Variants in ZHX3 observed in about 807,000 individuals in gnomAD.
ZHX3 encodes the protein zinc fingers and homeoboxes protein 3.
ZHX3 carries 20 observed loss-of-function variants against 64.5 expected under a neutral mutation model. That is an observed-to-expected ratio of 0.31 (90% CI 0.22 to 0.45). The LOEUF is 0.45. Among genes scored for constraint, ZHX3 ranks in the 20% least tolerant of loss-of-function variants. The probability of loss-of-function intolerance (pLI) is 1.00; values close to 1 mark genes in which losing one functional copy is unlikely to be tolerated. For synonymous variants in ZHX3, 423 were observed against 461.6 expected (o/e 0.92, Z 1.07); for missense variants, 1,041 against 1,195.8 (o/e 0.87, Z 1.91).
chr20:41,198,490 T>C (rs1319498097), intron 3 of ZHX3, among the ~76,000 whole-genome samples: 1 of 152,002 alleles, frequency 6.6e-6, no homozygotes, highest in Non-Finnish European at 1.5e-5. Context: ...GAGGTTTTTT[T>C]TTTTTCTTTT....
At chr20:41,263,103 C>T (rs1600550102) in intron 2 of ZHX3, among the ~76,000 whole-genome samples, 2 of 152,042 alleles carry the variant, frequency 1.3e-5, no homozygotes, top group African/African-American at 4.8e-5. Flanking sequence ...ATACAATATA[C>T]AGAAAACATA....
At chr20:41,287,602 G>A (rs762282100) in intron 1 of ZHX3, among the ~76,000 whole-genome samples, 7 of 152,154 alleles carry the variant, frequency 4.6e-5, no homozygotes, top group South Asian at 2.1e-4. Flanking sequence ...ATCATGCCCC[G>A]AGGGGAAGCC....
intron 1 of ZHX3, among the ~76,000 whole-genome samples, chr20:41,278,500 T>C (rs1382661720): frequency 1.4e-5 from 2 of 141,322 alleles, no homozygotes; most frequent in Non-Finnish European, 3.1e-5. Flanking sequence ...CTCACTTAAA[T>C]ATAGGTCTGA....
rs74862403 is a variant in ZHX3 at position 41,222,643 on chromosome 20, C to T, written c.-150-17577G>A. Among the ~76,000 whole-genome samples the T allele has an allele frequency of 1.6e-3, 248 of 152,262 alleles. 4 individuals are homozygous for T. The East Asian group carries it at 0.045, about 27-fold the overall frequency. ...GCCAAGTAGTTAGAAATTGCACTCT[C>T]TGAGGTGTGAGACAGCGCCTTTCAA... On this transcript the variant is annotated intron_variant, in intron 2 of 3. Coordinates refer to ENST00000683867, the MANE Select transcript of ZHX3 (RefSeq NM_001384317.1).
chr20:41,242,532 T>A (rs1282027707), intron 2 of ZHX3, among the ~76,000 whole-genome samples: 1 of 152,256 alleles, frequency 6.6e-6, no homozygotes, highest in East Asian at 1.9e-4. Flanking sequence ...TACACAGCTG[T>A]TAGCTTTGTG....
intron 1 of ZHX3, among the ~76,000 whole-genome samples, chr20:41,276,558 T>C (rs1228633918): frequency 6.6e-6 from 1 of 152,244 alleles, no homozygotes; most frequent in Admixed American, 6.5e-5. Context: ...CTTAGCTCTT[T>C]TTTTCTTTCT....
rs748611103 is a variant in ZHX3, at chr20:41,203,146, T to C, written c.1771A>G (p.Thr591Ala). ...GAAGGGTGGGTTGCTAGTGTGGCTG[T>C]TGTCGGAATGCAGGTTACCTCAGGG... The part of the protein sequence containing the change: ...KVPEVTCIPT[T>A]ATLATHPSAK... The change falls in exon 3 of 4, where the codon ACA becomes GCA. Residue 591 changes from threonine to alanine, a missense_variant. Around this residue, in one of 4 missense-constraint regions of ZHX3, gnomAD observed 649 missense variants for 739.8 expected, o/e 0.88. Transcript: ENST00000683867. The surrounding 1 kb of genome is among the most constrained non-coding windows in gnomAD (Gnocchi z 7.1). The C allele has an allele frequency of 8.1e-6, 13 of 1,613,564 alleles. No individual in the cohort carries two copies. The highest frequency in any genetic ancestry group is 8.5e-7 in the Non-Finnish European group (1 of 1,179,988).
chr20:41,254,111 C>T (rs1191396793), intron 2 of ZHX3, among the ~76,000 whole-genome samples: 1 of 151,920 alleles, frequency 6.6e-6, no homozygotes, highest in African/African-American at 2.4e-5. Context: ...ATCGCAAGAC[C>T]CTGTCTCTAC....
intron 2 of ZHX3, among the ~76,000 whole-genome samples, chr20:41,243,308 G>A (rs980927994): frequency 1.3e-5 from 2 of 152,134 alleles, no homozygotes; most frequent in African/African-American, 4.8e-5. Context: ...ACCTGACGTG[G>A]CTGCCTGGAA....
intron 2 of ZHX3, among the ~76,000 whole-genome samples, chr20:41,206,350 TTC>T (rs1408491914): frequency 6.6e-6 from 1 of 152,106 alleles, no homozygotes; most frequent in African/African-American, 2.4e-5. Flanking sequence ...AATAACAAAC[TTC>T]TCTGAGCTAA....
chr20:41,222,801 C>T (rs539748826), intron 2 of ZHX3, among the ~76,000 whole-genome samples: 1 of 151,680 alleles, frequency 6.6e-6, no homozygotes, highest in South Asian at 2.1e-4. Flanking sequence ...TCTGAGATTA[C>T]ATTTGTTTTG....
intron 2 of ZHX3, among the ~76,000 whole-genome samples, chr20:41,239,212 T>C (rs1192636744): frequency 6.6e-6 from 1 of 151,614 alleles, no homozygotes; most frequent in African/African-American, 2.4e-5. Context: ...GGTTTCACCA[T>C]GTTAGCCAGG....
chr20:41,246,266 A>G (rs2041681284), intron 2 of ZHX3, among the ~76,000 whole-genome samples: 1 of 152,202 alleles, frequency 6.6e-6, no homozygotes, highest in Non-Finnish European at 1.5e-5. Context: ...TAAAGCACAC[A>G]TTTACTAAAA....
chr20:41,210,593 A>G (rs2039085303), intron 2 of ZHX3, among the ~76,000 whole-genome samples: 1 of 152,202 alleles, frequency 6.6e-6, no homozygotes. Context: ...AAACTATCAC[A>G]AGGACAGAAA....
At position 41,201,360 on chromosome 20, in the gene ZHX3, G is replaced by C; in HGVS notation, c.2860+697C>G. On this transcript the variant is annotated intron_variant, in intron 3 of 3. Coordinates refer to ENST00000683867, the MANE Select transcript of ZHX3 (RefSeq NM_001384317.1). The surrounding 1 kb of genome is among the most constrained non-coding windows in gnomAD (Gnocchi z 5.0). ...TCAAAGGGTAAGGAGGGAAGGGAGA[G>C]GCTGGGAACTCAGTGACCAGGAACC... 1.5e-6 allele frequency: 2 copies of C among 1,304,720 alleles called. No homozygotes were observed. Among genetic ancestry groups the C allele is most frequent in the Non-Finnish European group, 2.0e-6 (2 of 989,068 alleles). 80.8% of individuals were successfully genotyped at this position (1,304,720 alleles called of 1,614,324 possible).
intron 2 of ZHX3, among the ~76,000 whole-genome samples, chr20:41,213,328 A>G (rs1165411479): frequency 2.6e-5 from 4 of 152,178 alleles, no homozygotes; most frequent in Admixed American, 2.0e-4. Flanking sequence ...CGAAACCAAG[A>G]AAGGTAGAGG....
intron 2 of ZHX3, among the ~76,000 whole-genome samples, chr20:41,231,079 T>G (rs1456052904): frequency 6.6e-6 from 1 of 152,234 alleles, no homozygotes; most frequent in East Asian, 1.9e-4. Context: ...TCTCTATAGT[T>G]TTGCCTTTTT....
rs1225966082 is a variant in ZHX3 at position 41,184,777 on chromosome 20, G to A, written c.*414C>T. ...GACACAGGTCATTTTTAGAGATGAC[G>A]TAACTGACAATGCACTGCTTGGCTA... On this transcript the variant is annotated 3_prime_UTR_variant, in exon 4 of 4. Transcript: ENST00000683867. 3.9e-6 allele frequency: 4 copies of A among 1,023,958 alleles called. No homozygotes were observed. The highest frequency in any genetic ancestry group is 3.4e-5 in the South Asian group (2 of 58,206). 63.4% of individuals were successfully genotyped at this position (1,023,958 alleles called of 1,614,324 possible). A position where few individuals can be genotyped will look rare whatever the true frequency, so the allele number is the denominator to read the frequency against.
intron 3 of ZHX3, among the ~76,000 whole-genome samples, chr20:41,190,336 G>A (rs1345174214): frequency 1.3e-5 from 2 of 151,904 alleles, no homozygotes; most frequent in Admixed American, 6.6e-5. Context: ...CACCATGCCT[G>A]GCTAATTTTG....
Sources: gnomAD v4.1 joint callset for allele counts (sites outside exome capture counted in the v4.1 genomes callset) on GRCh38, gnomAD v4.1.1 for gene constraint, gnomAD v4.1.1 regional missense constraint, Gnocchi (gnomAD v3.1) non-coding constraint, MANE v1.5 for transcripts, NCBI Gene and HGNC (gene_info 2026-07-23, HGNC 2026-07-21) for gene names.